Variants in CNTN6 observed in about 807,000 individuals in gnomAD.
CNTN6 encodes contactin 6.
In CNTN6, 137 loss-of-function variants were observed where a neutral mutation model predicts 122.8. That is an observed-to-expected ratio of 1.12 (90% CI 0.97 to 1.29). CNTN6 has a LOEUF of 1.29. Ranked by LOEUF, CNTN6 falls within the 50% of genes most tolerant of loss-of-function variation. The pLI is 0.00. For missense variants in CNTN6, 1,634 were observed against 1,223.4 expected (o/e 1.34, Z -5.01); for synonymous variants, 570 against 426.0 (o/e 1.34, Z -4.16).
chr3:1,326,849 C>T (rs1289553611), intron 9 of CNTN6, among the ~76,000 whole-genome samples: 2 of 151,822 alleles, frequency 1.3e-5, no homozygotes, highest in Non-Finnish European at 2.9e-5. Context: ...GTAATACATG[C>T]CTTGAAATAT....
At chr3:1,216,375 A>C (rs1224268042) in intron 2 of CNTN6, among the ~76,000 whole-genome samples, 1 of 152,130 alleles carries the variant, frequency 6.6e-6, no homozygotes, top group African/African-American at 2.4e-5. Context: ...GCCTGACCAG[A>C]CTGCTTTTAC....
chr3:1,280,504 T>C (rs1693206249), intron 5 of CNTN6, among the ~76,000 whole-genome samples: 1 of 131,074 alleles, frequency 7.6e-6, no homozygotes, highest in South Asian at 2.6e-4. Flanking sequence ...TCGCTCTGTC[T>C]CCCAGGCTGG....
intron 4 of CNTN6, among the ~76,000 whole-genome samples, chr3:1,273,796 A>G (rs1218211509): frequency 2.0e-5 from 3 of 152,212 alleles, no homozygotes; most frequent in South Asian, 4.1e-4. Flanking sequence ...CATAAAAGGC[A>G]CAGAGAAATT....
At chr3:1,108,692 T>G (rs897109232) in intron 1 of CNTN6, among the ~76,000 whole-genome samples, 4 of 151,976 alleles carry the variant, frequency 2.6e-5, no homozygotes, top group Non-Finnish European at 4.4e-5. Context: ...TGATTTGTAT[T>G]TGCACTTTTA....
At chr3:1,357,067 A>G (rs190624063) in intron 12 of CNTN6, among the ~76,000 whole-genome samples, 105 of 152,056 alleles carry the variant, frequency 6.9e-4, no homozygotes, top group African/African-American at 2.5e-3. Context: ...ACCACATATG[A>G]CATATAGCTG....
At chr3:1,326,295 C>G (rs1358078424) in intron 9 of CNTN6, among the ~76,000 whole-genome samples, 2 of 151,800 alleles carry the variant, frequency 1.3e-5, no homozygotes, top group Non-Finnish European at 2.9e-5. Context: ...AAATATTTTT[C>G]CGTGCATTAT....
chr3:1,133,954 A>G (rs896115488), intron 1 of CNTN6, among the ~76,000 whole-genome samples: 2 of 152,172 alleles, frequency 1.3e-5, no homozygotes, highest in African/African-American at 4.8e-5. Context: ...ATGTTTTCTC[A>G]AAAGTACCTT....
In CNTN6 at chr3:1,293,809, A is replaced by G. The variant is rs924785049; in HGVS notation, c.455-1792A>G. ...TCCTTTGGACCAGCTATATTCTTCT[A>G]CTTCCCTAGACATAGTTCTACTCTA... On this transcript the variant is annotated intron_variant, in intron 5 of 22. Transcript: ENST00000446702. Among the ~76,000 whole-genome samples, 12 of 152,228 alleles carry G rather than the reference A, an allele frequency of 7.9e-5. No homozygotes were observed. In the East Asian group the frequency reaches 1.2e-3, roughly 15 times the overall value.
At chr3:1,375,409 C>T (rs910462459) in intron 16 of CNTN6, among the ~76,000 whole-genome samples, 3 of 152,042 alleles carry the variant, frequency 2.0e-5, no homozygotes, top group Admixed American at 1.3e-4. Context: ...CTCGTCTCTC[C>T]CTCTCTGTCT....
intron 15 of CNTN6, 46 bp downstream of exon 15, chr3:1,373,808 G>C: frequency 6.6e-7 from 1 of 1,515,416 alleles, no homozygotes; most frequent in East Asian, 2.3e-5. Flanking sequence ...TAATATTTTA[G>C]TCCAATAATT....
intron 2 of CNTN6, among the ~76,000 whole-genome samples, chr3:1,176,734 G>A (rs2093457365): frequency 1.3e-5 from 2 of 152,132 alleles, no homozygotes; most frequent in Admixed American, 6.6e-5. Flanking sequence ...TTACTAAGTG[G>A]AAAGTGTGGA....
chr3:1,220,364 G>C (rs1480475939), intron 2 of CNTN6, among the ~76,000 whole-genome samples: 1 of 152,052 alleles, frequency 6.6e-6, no homozygotes, highest in African/African-American at 2.4e-5. Context: ...ACAAAAAATA[G>C]AATTTTATTA....
At chr3:1,238,254 G>A (rs1042633155) in intron 4 of CNTN6, among the ~76,000 whole-genome samples, 8 of 152,078 alleles carry the variant, frequency 5.3e-5, no homozygotes, top group Non-Finnish European at 8.8e-5. Flanking sequence ...AAGATATTCC[G>A]TGCAAATGGA....
chr3:1,239,571 T>A (rs935243165), intron 4 of CNTN6, among the ~76,000 whole-genome samples: 6 of 152,010 alleles, frequency 3.9e-5, no homozygotes, highest in African/African-American at 1.5e-4. Context: ...TTGGGGAGAA[T>A]CAATATTGTG....
chr3:1,111,489 T>G (rs2091478530), intron 1 of CNTN6, among the ~76,000 whole-genome samples: 1 of 152,084 alleles, frequency 6.6e-6, no homozygotes, highest in Non-Finnish European at 1.5e-5. Context: ...GATTGTAGAG[T>G]CAGAATTCAA....
intron 16 of CNTN6, among the ~76,000 whole-genome samples, chr3:1,375,359 C>T (rs114723769): frequency 1.1e-3 from 170 of 152,156 alleles, no homozygotes; most frequent in African/African-American, 3.9e-3. Context: ...TATTCATACC[C>T]ACTGAGTCAA....
chr3:1,136,300 G>C (rs2125119734), intron 1 of CNTN6, among the ~76,000 whole-genome samples: 1 of 152,176 alleles, frequency 6.6e-6, no homozygotes, highest in South Asian at 2.1e-4. Flanking sequence ...GACACGATTA[G>C]GACTCTAAGA....
intron 1 of CNTN6, among the ~76,000 whole-genome samples, chr3:1,099,342 TG>T (rs1160491814): frequency 6.6e-6 from 1 of 151,656 alleles, no homozygotes; most frequent in Non-Finnish European, 1.5e-5. Flanking sequence ...TCCCAGCTAC[TG>T]GGGAGGCTGA....
At chr3:1,162,672 T>C (rs1356260543) in intron 2 of CNTN6, among the ~76,000 whole-genome samples, 1 of 152,222 alleles carries the variant, frequency 6.6e-6, no homozygotes, top group Non-Finnish European at 1.5e-5. Flanking sequence ...GTCAAATGAT[T>C]TGTTGTTGCA....
Sources: gnomAD v4.1 joint callset for allele counts (sites outside exome capture counted in the v4.1 genomes callset) on GRCh38, gnomAD v4.1.1 for gene constraint, MANE v1.5 for transcripts, NCBI Gene and HGNC (gene_info 2026-07-23, HGNC 2026-07-21) for gene names.